NHLRC2: variants seen among roughly 807,000 people sequenced by gnomAD.
NHLRC2 encodes the protein NHL repeat containing 2, also known as NHL repeat-containing protein 2.
Under a neutral mutation model 68.1 loss-of-function variants are expected in NHLRC2, and 33 were observed. The ratio of observed to expected loss-of-function variants is 0.48; its 90% CI spans 0.37 to 0.65. The LOEUF is 0.65. NHLRC2 is among the 30% of genes least tolerant of loss of function. The pLI, the probability that NHLRC2 is intolerant of heterozygous loss-of-function variation, is 0.00. For missense variants in NHLRC2, 761 were observed against 853.8 expected (o/e 0.89, Z 1.35); for synonymous variants, 311 against 309.6 (o/e 1.00, Z -0.05).
chr10:113,863,065 A>G (rs1845831525), intron 2 of NHLRC2, among the ~76,000 whole-genome samples: 1 of 152,186 alleles, frequency 6.6e-6, no homozygotes, highest in Non-Finnish European at 1.5e-5. Context: ...ATATGAACAA[A>G]AATTGACAGA....
In NHLRC2 at chr10:113,916,431, T is replaced by G. The variant is rs1042966910; in HGVS notation, c.*7895T>G. 6.6e-6 allele frequency: 1 copy of G among 152,142 alleles called. No homozygotes were observed. The highest frequency in any genetic ancestry group is 1.5e-5 in the Non-Finnish European group (1 of 68,028). 9.4% of individuals were successfully genotyped at this position (152,142 alleles called of 1,614,324 possible). A position where few individuals can be genotyped will look rare whatever the true frequency, so the allele number is the denominator to read the frequency against. On this transcript the variant is annotated 3_prime_UTR_variant, in exon 11 of 11. Transcript: ENST00000369301. The stretch of plus-strand genomic sequence containing the variant: ...TAGTATTTTTTTCCGTAGCATTTCT[T>G]AATAATAGCTCAGTTTTTAAAGGAG...
intron 2 of NHLRC2, among the ~76,000 whole-genome samples, chr10:113,859,340 A>G (rs1589533599): frequency 6.6e-6 from 1 of 152,158 alleles, no homozygotes; most frequent in African/African-American, 2.4e-5. Flanking sequence ...AATGAAATTA[A>G]TTAAAAGTAT....
chr10:113,875,428 C>T (rs1845969780), intron 2 of NHLRC2, among the ~76,000 whole-genome samples: 1 of 152,298 alleles, frequency 6.6e-6, no homozygotes, highest in South Asian at 2.1e-4. Context: ...CTCAGGGTTT[C>T]TCCCACACTG....
chr10:113,872,379 C>T (rs557646024), intron 2 of NHLRC2, among the ~76,000 whole-genome samples: 4 of 152,040 alleles, frequency 2.6e-5, no homozygotes, highest in East Asian at 1.9e-4. Context: ...GAACCCTATT[C>T]GCAAAATGAA....
chr10:113,885,549 C>T (rs183772195), intron 5 of NHLRC2, among the ~76,000 whole-genome samples: 1 of 151,860 alleles, frequency 6.6e-6, no homozygotes, highest in African/African-American at 2.4e-5. Context: ...TCACTTTTAC[C>T]TCCCTGCCTT....
Position 113,854,919 on chromosome 10 carries a change from C to T in NHLRC2, c.47C>T (p.Pro16Leu), listed in dbSNP as rs778684315. Reference sequence around the variant, plus strand: ...GGCCGCAGCCTCTCCGGCCTGCTCCCCGCGCAGACCTCGCTAGAGTACGCC... The same window carrying T: ...GGCCGCAGCCTCTCCGGCCTGCTCCTCGCGCAGACCTCGCTAGAGTACGCC... ...GRGRSLSGLL[P>L]AQTSLEYALL... The change falls in exon 1 of 11, where the codon CCC becomes CTC. Residue 16 changes from proline to leucine, a missense_variant. Coordinates refer to ENST00000369301, the MANE Select transcript of NHLRC2 (RefSeq NM_198514.4). The T allele has an allele frequency of 6.4e-6, 10 of 1,553,330 alleles. No homozygotes were observed. In the South Asian group the frequency reaches 1.2e-4, roughly 18 times the overall value.
At chr10:113,887,251 G>C (rs898338894) in intron 5 of NHLRC2, among the ~76,000 whole-genome samples, 12 of 152,334 alleles carry the variant, frequency 7.9e-5, no homozygotes, top group African/African-American at 2.9e-4. Flanking sequence ...TTTGTACACT[G>C]TTGGGATTGT....
intron 5 of NHLRC2, among the ~76,000 whole-genome samples, chr10:113,886,976 A>G (rs972076526): frequency 1.3e-5 from 2 of 152,214 alleles, no homozygotes; most frequent in African/African-American, 2.4e-5. Flanking sequence ...CATATAACCA[A>G]TAAGGGGCTA....
At chr10:113,876,348 TGTTA>T (rs1845979868) in intron 2 of NHLRC2, among the ~76,000 whole-genome samples, 169 bp from the exon 3 acceptor site, 1 of 152,170 alleles carries the variant, frequency 6.6e-6, no homozygotes, top group African/African-American at 2.4e-5. Flanking sequence ...GATTTAAATT[TGTTA>T]GTTTTTTATG....
intron 5 of NHLRC2, among the ~76,000 whole-genome samples, chr10:113,894,389 T>C (rs974268392): frequency 6.6e-6 from 1 of 152,216 alleles, no homozygotes; most frequent in African/African-American, 2.4e-5. Context: ...AATGTCGTTA[T>C]AAATTTTCTT....
At chr10:113,899,600 G>A (rs1846210605) in intron 6 of NHLRC2, among the ~76,000 whole-genome samples, 1 of 152,192 alleles carries the variant, frequency 6.6e-6, no homozygotes, top group South Asian at 2.1e-4. Flanking sequence ...TTAAAAGTTA[G>A]TGTGTGCAAA....
Position 113,913,537 on chromosome 10 carries a change from C to G in NHLRC2, c.*5001C>G, listed in dbSNP as rs1400709243. 6.6e-6 allele frequency: 1 copy of G among 152,082 alleles called. No individual in the cohort carries two copies. Among genetic ancestry groups the G allele is most frequent in the Non-Finnish European group, 1.5e-5 (1 of 68,016 alleles). 9.4% of individuals were successfully genotyped at this position (152,082 alleles called of 1,614,324 possible). A position where few individuals can be genotyped will look rare whatever the true frequency, so the allele number is the denominator to read the frequency against. ...GTGTTAGTTCTCAACAGTGCTGTTT[C>G]AAAAGTTGTTTTAAAAGTTCTAACG... On this transcript the variant is annotated 3_prime_UTR_variant, in exon 11 of 11. Transcript: ENST00000369301.
chr10:113,867,271 T>A (rs546606723), intron 2 of NHLRC2, among the ~76,000 whole-genome samples: 1 of 152,224 alleles, frequency 6.6e-6, no homozygotes, highest in East Asian at 1.9e-4. Context: ...AGGGCTACTA[T>A]GTTAACTCTT....
chr10:113,866,712 A>G (rs557298698), intron 2 of NHLRC2, among the ~76,000 whole-genome samples: 1 of 151,962 alleles, frequency 6.6e-6, no homozygotes, highest in Non-Finnish European at 1.5e-5. Flanking sequence ...ACTTTGTGTC[A>G]TTGTTCTCAA....
At chr10:113,884,984 T>A (rs1263890285) in intron 5 of NHLRC2, among the ~76,000 whole-genome samples, 2 of 151,886 alleles carry the variant, frequency 1.3e-5, no homozygotes, top group Non-Finnish European at 3.0e-5. Context: ...TTAGTATTTT[T>A]ATTTTTTATT....
chr10:113,903,436 C>A, intron 8 of NHLRC2, 91 bp from the exon 9 acceptor site: 1 of 770,144 alleles, frequency 1.3e-6, no homozygotes, highest in Non-Finnish European at 2.2e-6. Flanking sequence ...TAATGGCAAT[C>A]AGAAATTAGC....
In NHLRC2 at chr10:113,901,691, A is replaced by C; in HGVS notation, c.1165A>C (p.Arg389=). The change falls in exon 7 of 11, where the codon AGG becomes CGG. Residue 389 remains arginine (R), a synonymous_variant. Transcript: ENST00000369301. ...KNELTKGTCL[R]FAGSGNEENR... ...TGAGTTAACAAAAGGAACCTGCCTT[A>C]GGTTTGCTGGAAGTGGAAATGAAGA... is the stretch of plus-strand genomic sequence containing the variant. 6.2e-7 allele frequency: 1 copy of C among 1,614,064 alleles called. No homozygotes were observed.
chr10:113,868,504 T>C (rs1456553376), intron 2 of NHLRC2, among the ~76,000 whole-genome samples: 1 of 152,248 alleles, frequency 6.6e-6, no homozygotes, highest in Non-Finnish European at 1.5e-5. Context: ...CGTAGATCAA[T>C]ATAGATCTCC....
At chr10:113,855,992 G>A (rs1443296528) in intron 1 of NHLRC2, among the ~76,000 whole-genome samples, 1 of 152,188 alleles carries the variant, frequency 6.6e-6, no homozygotes, top group Non-Finnish European at 1.5e-5. Flanking sequence ...GGATTATACA[G>A]GCCCTGGATT....
Sources: gnomAD v4.1 joint callset for allele counts (sites outside exome capture counted in the v4.1 genomes callset) on GRCh38, gnomAD v4.1.1 for gene constraint, MANE v1.5 for transcripts, NCBI Gene and HGNC (gene_info 2026-07-23, HGNC 2026-07-21) for gene names.